Variants in PLEKHA7 observed in about 807,000 individuals in gnomAD.
The protein encoded by PLEKHA7 is pleckstrin homology domain containing A7.
Under a neutral mutation model 170.0 loss-of-function variants are expected in PLEKHA7, and 104 were observed. The ratio of observed to expected loss-of-function variants is 0.61; its 90% CI spans 0.52 to 0.72. The LOEUF (loss-of-function observed/expected upper bound fraction) is 0.72. Ranked by LOEUF, PLEKHA7 falls within the 30% of genes least tolerant of loss-of-function variation. PLEKHA7 has a pLI of 0.00. For missense variants in PLEKHA7, 1,615 were observed against 1,671.7 expected (o/e 0.97, Z 0.59); for synonymous variants, 648 against 660.8 (o/e 0.98, Z 0.30).
chr11:16,868,433 C>T (rs2135624564), intron 4 of PLEKHA7, among the ~76,000 whole-genome samples: 1 of 152,286 alleles, frequency 6.6e-6, no homozygotes, highest in African/African-American at 2.4e-5. Flanking sequence ...GTGAGTCCTA[C>T]CTGCCAACAG....
chr11:16,999,801 T>C (rs977089165), intron 3 of PLEKHA7, among the ~76,000 whole-genome samples: 2 of 152,228 alleles, frequency 1.3e-5, no homozygotes, highest in African/African-American at 2.4e-5. Context: ...ACAGAGAAGC[T>C]GAAGCTCAGA....
At chr11:16,907,599 C>T (rs1239466849) in intron 3 of PLEKHA7, among the ~76,000 whole-genome samples, 7 of 123,302 alleles carry the variant, frequency 5.7e-5, no homozygotes, top group African/African-American at 2.0e-4. Flanking sequence ...CCGCCCCGTC[C>T]GGGAGGTGAG....
chr11:16,844,293 A>G (rs1207481093), intron 8 of PLEKHA7, among the ~76,000 whole-genome samples: 2 of 152,182 alleles, frequency 1.3e-5, no homozygotes, highest in African/African-American at 2.4e-5. Context: ...CACCATTACG[A>G]AGGAGTTACA....
chr11:16,789,738 G>T lies in PLEKHA7; in HGVS notation c.3156+37C>A. On this transcript the variant is annotated intron_variant, in intron 22 of 26. Transcript: ENST00000531066. This position sits in a 1 kb window ranked among gnomAD's most constrained non-coding sequence, Gnocchi z 4.6. ...GGGAGACCCTCCCTCCCCATGTGAA[G>T]GAGCAGGGAGGTCCTCGACAGCTCA... 1 of 1,540,002 alleles carries T rather than the reference G, an allele frequency of 6.5e-7. No individual in the cohort carries two copies. Among genetic ancestry groups the T allele is most frequent in the Non-Finnish European group, 9.0e-7 (1 of 1,114,850 alleles).
intron 3 of PLEKHA7, among the ~76,000 whole-genome samples, chr11:16,954,422 T>G (rs1047266123): frequency 6.6e-6 from 1 of 151,902 alleles, no homozygotes; most frequent in Non-Finnish European, 1.5e-5. Flanking sequence ...TAGTCTCAGT[T>G]ACTCAGGAGG....
At chr11:16,805,164 T>A (rs1263907935) in intron 13 of PLEKHA7, among the ~76,000 whole-genome samples, 2 of 152,184 alleles carry the variant, frequency 1.3e-5, no homozygotes, top group Non-Finnish European at 1.5e-5. Flanking sequence ...TGGGGATTCT[T>A]TCCCCCAGCA....
At chr11:16,965,472 T>TA (rs1862317182) in intron 3 of PLEKHA7, among the ~76,000 whole-genome samples, 1 of 152,224 alleles carries the variant, frequency 6.6e-6, no homozygotes, top group Non-Finnish European at 1.5e-5. Context: ...CTCATCCCCT[T>TA]AGTGCCTGAC....
In PLEKHA7 at chr11:16,844,969, A is replaced by G. The variant is rs576820213; in HGVS notation, c.697-3247T>C. 3.9e-5 allele frequency among the ~76,000 whole-genome samples: 6 copies of G among 152,264 alleles called. No homozygotes were observed. In the East Asian group the frequency reaches 1.2e-3, roughly 29 times the overall value. On this transcript the variant is annotated intron_variant, in intron 8 of 26. Coordinates refer to ENST00000531066, the MANE Select transcript of PLEKHA7 (RefSeq NM_001329630.2). ...GCCTTAAACAAGGCCATAATAGTTT[A>G]TAGCCACATAGAAGAGAAATACTAT...
intron 8 of PLEKHA7, among the ~76,000 whole-genome samples, chr11:16,849,184 T>C (rs1357722348): frequency 1.3e-5 from 2 of 152,190 alleles, no homozygotes; most frequent in Admixed American, 6.5e-5. Flanking sequence ...CTTAGTAAAG[T>C]CTTTCCAAGA....
At chr11:16,876,426 G>A (rs965006180) in intron 3 of PLEKHA7, among the ~76,000 whole-genome samples, 28 of 152,194 alleles carry the variant, frequency 1.8e-4, no homozygotes, top group Admixed American at 9.2e-4. Flanking sequence ...TTCAAATCCC[G>A]CTCTTCCTCC....
Position 16,817,328 on chromosome 11 carries a change from G to T in PLEKHA7, c.1344-6C>A. The T allele has an allele frequency of 2.5e-6, 4 of 1,602,228 alleles. No individual in the cohort carries two copies. The highest frequency in any genetic ancestry group is 1.1e-5 in the South Asian group (1 of 90,188). ...GCGTCTGGTCCAAGGGAAGACTGAG[G>T]AGAAAGGGTAAGAACGGGTCAGGCA... is the stretch of plus-strand genomic sequence containing the variant. On this transcript the variant is annotated splice_polypyrimidine_tract_variant and splice_region_variant and intron_variant, in intron 10 of 26. Coordinates refer to ENST00000531066, the MANE Select transcript of PLEKHA7 (RefSeq NM_001329630.2). This position sits in a 1 kb window ranked among gnomAD's most constrained non-coding sequence, Gnocchi z 4.4.
intron 3 of PLEKHA7, among the ~76,000 whole-genome samples, chr11:16,888,079 G>A (rs1025473092): frequency 5.9e-5 from 9 of 151,430 alleles, no homozygotes; most frequent in Admixed American, 2.0e-4. Flanking sequence ...GTCTCTGCCC[G>A]GCCGCCCCAT....
intron 12 of PLEKHA7, chr11:16,815,222 C>T (rs997311824): frequency 1.3e-5 from 2 of 152,824 alleles, no homozygotes; most frequent in East Asian, 1.9e-4. Context: ...TGGCTGATGG[C>T]GAAATTTCGC....
chr11:16,978,593 A>G (rs1052627359), intron 3 of PLEKHA7, among the ~76,000 whole-genome samples: 2 of 152,178 alleles, frequency 1.3e-5, no homozygotes, highest in Non-Finnish European at 1.5e-5. Context: ...GCATCATTTA[A>G]TAGTTGGATG....
chr11:16,823,776 G>A (rs1288584372), intron 10 of PLEKHA7, among the ~76,000 whole-genome samples: 6 of 151,992 alleles, frequency 3.9e-5, no homozygotes, highest in South Asian at 2.1e-4. Flanking sequence ...CTCAGTAACC[G>A]TCCAGTTGCT....
intron 26 of PLEKHA7, among the ~76,000 whole-genome samples, chr11:16,781,723 A>G (rs1849035742): frequency 6.6e-6 from 1 of 152,114 alleles, no homozygotes; most frequent in East Asian, 1.9e-4. Context: ...AGTCACTCTC[A>G]TGGCCCTCTG....
At chr11:16,939,921 G>A (rs1446048009) in intron 3 of PLEKHA7, among the ~76,000 whole-genome samples, 3 of 152,310 alleles carry the variant, frequency 2.0e-5, no homozygotes, top group African/African-American at 7.2e-5. Flanking sequence ...CAGACCAGCT[G>A]CATTTCACTG....
chr11:16,836,998 A>C (rs1213561813), intron 9 of PLEKHA7, among the ~76,000 whole-genome samples: 5 of 151,826 alleles, frequency 3.3e-5, no homozygotes, highest in Non-Finnish European at 5.9e-5. Flanking sequence ...TAATTTTTGT[A>C]TTTTTAGTAG....
chr11:16,884,530 G>A (rs1484654644), intron 3 of PLEKHA7, among the ~76,000 whole-genome samples: 1 of 152,138 alleles, frequency 6.6e-6, no homozygotes, highest in Admixed American at 6.5e-5. Flanking sequence ...AGCTACTCAG[G>A]AGGCTGAGCC....
Sources: gnomAD v4.1 joint callset for allele counts (sites outside exome capture counted in the v4.1 genomes callset) on GRCh38, gnomAD v4.1.1 for gene constraint, Gnocchi (gnomAD v3.1) non-coding constraint, MANE v1.5 for transcripts, NCBI Gene and HGNC (gene_info 2026-07-23, HGNC 2026-07-21) for gene names.